The following ZDHHC23 variants were observed in gnomAD, a reference collection of about 807,000 sequenced individuals.
ZDHHC23 encodes zDHHC palmitoyltransferase 23, also known as palmitoyltransferase ZDHHC23.
A neutral mutation model predicts 40.2 loss-of-function variants in ZDHHC23; 41 were observed. That is an observed-to-expected ratio of 1.02 (90% CI 0.79 to 1.32). ZDHHC23 has a LOEUF of 1.32. Ranked by LOEUF, ZDHHC23 falls within the 40% of genes most tolerant of loss-of-function variation. ZDHHC23 has a pLI of 0.00. For synonymous variants in ZDHHC23, 204 were observed against 210.2 expected (o/e 0.97, Z 0.26); for missense variants, 471 against 541.5 (o/e 0.87, Z 1.29).
chr3:113,971,752 ATTAG>A, the ZDHHC23 span, among the ~76,000 whole-genome samples: 764 of 152,154 alleles, frequency 5.0e-3, 8 homozygotes, highest in African/African-American at 0.017. Context: ...TAGAATTTGT[ATTAG>A]TTCTTCTTTA....
Position 113,953,778 on chromosome 3 carries a change from T to A in ZDHHC23, c.240T>A (p.Pro80=). 6.2e-7 allele frequency: 1 copy of A among 1,614,228 alleles called. No individual in the cohort carries two copies. The highest frequency in any genetic ancestry group is 8.5e-7 in the Non-Finnish European group (1 of 1,180,032). Residue 80 remains proline (P), a synonymous_variant, in exon 3 of 5, where the codon CCT becomes CCA. Coordinates refer to ENST00000638807, the MANE Select transcript of ZDHHC23 (RefSeq NM_001320466.2). ...CAATTTCTGATCGCCTCCGAATTCC[T>A]TGGCTTAGGGGAGCCAAAAAAGTGA... is the stretch of plus-strand genomic sequence containing the variant. ...MDTISDRLRI[P]WLRGAKKVNI...
chr3:113,977,153 C>A, the ZDHHC23 span, among the ~76,000 whole-genome samples: 1 of 152,050 alleles, frequency 6.6e-6, no homozygotes, highest in Non-Finnish European at 1.5e-5. Context: ...AAAAATTAGC[C>A]GGGTGTCGTG....
rs1182058661 is a variant in ZDHHC23, at chr3:113,948,828, C to G, written c.26C>G (p.Pro9Arg). The change falls in exon 2 of 5, where the codon CCT becomes CGT. Residue 9 changes from proline to arginine, a missense_variant. By Grantham distance (103) the Pro-to-Arg change is moderately radical. Transcript: ENST00000638807. MTQKGSMK[P>R]VKKKKTEEPE... ...ATGACACAGAAGGGCAGTATGAAGC[C>G]TGTGAAGAAAAAGAAAACCGAAGAA... 1.2e-6 allele frequency: 2 copies of G among 1,613,934 alleles called. No homozygotes were observed. The highest frequency in any genetic ancestry group is 1.3e-5 in the African/African-American group (1 of 74,880).
the ZDHHC23 span, chr3:113,978,434 A>G: frequency 1.7e-6 from 2 of 1,177,340 alleles, no homozygotes; most frequent in Non-Finnish European, 1.2e-6. Context: ...AAAAGAAACA[A>G]ATGACACTAG....
downstream of ZDHHC23, among the ~76,000 whole-genome samples, chr3:113,967,858 T>G (rs1322149423): frequency 6.6e-6 from 1 of 152,216 alleles, no homozygotes; most frequent in Non-Finnish European, 1.5e-5. Flanking sequence ...ATTCACATTT[T>G]TTAGCTCTCC....
downstream of ZDHHC23, among the ~76,000 whole-genome samples, chr3:113,967,260 CTCTT>C (rs1163423428): frequency 6.6e-6 from 1 of 152,214 alleles, no homozygotes; most frequent in Admixed American, 6.5e-5. Context: ...ATTCACATCT[CTCTT>C]TTGGCTACAC....
the ZDHHC23 span, among the ~76,000 whole-genome samples, chr3:113,976,970 G>GT: frequency 3.9e-5 from 6 of 152,110 alleles, no homozygotes; most frequent in Non-Finnish European, 8.8e-5. Flanking sequence ...CTGATTTCCA[G>GT]TATCTGTGAA....
chr3:113,967,980 AT>A (rs796458097), downstream of ZDHHC23, among the ~76,000 whole-genome samples: 13 of 152,244 alleles, frequency 8.5e-5, no homozygotes, highest in African/African-American at 3.1e-4. Context: ...ATTCTTTTTC[AT>A]TACTAATATT....
At chr3:113,951,911 G>A (rs1938704452) in intron 2 of ZDHHC23, among the ~76,000 whole-genome samples, 1 of 152,310 alleles carries the variant, frequency 6.6e-6, no homozygotes, top group African/African-American at 2.4e-5. Flanking sequence ...GCCCAGGTGG[G>A]CAGATCACCT....
rs1396930980 is a variant in ZDHHC23 at position 113,948,670 on chromosome 3, A to G, written c.-117-16A>G. The G allele has an allele frequency of 2.0e-5, 22 of 1,090,874 alleles. No homozygotes were observed. In the East Asian group the frequency reaches 5.4e-4, roughly 27 times the overall value. The allele number at this position is 1,090,874 out of a possible 1,614,324, so 67.6% of individuals were successfully genotyped here. A position where few individuals can be genotyped will look rare whatever the true frequency, so the allele number is the denominator to read the frequency against. ...GGACCCCCTCCCCCTCTCTCTTCTC[A>G]TTTTTGATTGCTCAGGCGTTGGAGG... On this transcript the variant is annotated splice_polypyrimidine_tract_variant and intron_variant, in intron 1 of 4. Transcript: ENST00000638807.
intron 1 of ZDHHC23, chr3:113,948,467 G>A: frequency 3.7e-6 from 1 of 270,094 alleles, no homozygotes; most frequent in Non-Finnish European, 7.1e-6. Flanking sequence ...CCGCAGGTGA[G>A]CGCAACCGCC....
rs1401727827 is a variant in ZDHHC23 at position 113,960,244 on chromosome 3, A to C, written c.*1614A>C. On this transcript the variant is annotated 3_prime_UTR_variant, in exon 5 of 5. Coordinates refer to ENST00000638807, the MANE Select transcript of ZDHHC23 (RefSeq NM_001320466.2). ...TTGCCATTAATTGGAGCTGTCCTTA[A>C]GATGGTCACCATATTCTTATTCAGG... 3 of 1,006,662 alleles carry C rather than the reference A, an allele frequency of 3.0e-6. No homozygotes were observed. In the African/African-American group the frequency reaches 5.2e-5, roughly 18 times the overall value. 62.4% of individuals were successfully genotyped at this position (1,006,662 alleles called of 1,614,324 possible). A position where few individuals can be genotyped will look rare whatever the true frequency, so the allele number is the denominator to read the frequency against.
chr3:113,950,617 C>T (rs138411450), intron 2 of ZDHHC23, among the ~76,000 whole-genome samples: 25 of 152,320 alleles, frequency 1.6e-4, no homozygotes, highest in African/African-American at 5.8e-4. Context: ...TACTTCCTGG[C>T]TCCCTAAAAT....
the ZDHHC23 span, chr3:113,979,062 A>C: frequency 1.3e-6 from 2 of 1,515,552 alleles, no homozygotes; most frequent in Non-Finnish European, 1.8e-6. Flanking sequence ...TAAATCATTT[A>C]AACAAACACA....
chr3:113,954,388 A>G lies in ZDHHC23; in HGVS notation c.850A>G (p.Arg284Gly), dbSNP rs1337823424. Residue 284 changes from arginine to glycine, a missense_variant, in exon 3 of 5, where the codon AGA becomes GGA. Arg to Gly is a moderately radical substitution (Grantham distance 125, BLOSUM62 -2). Around this residue, in one of 3 missense-constraint regions of ZDHHC23, gnomAD observed 346 missense variants for 399.8 expected, o/e 0.87. Transcript: ENST00000638807. ...HCRICGICVR[R>G]MDHHCVWINS... is the part of the protein sequence containing the mutation. ...CCGGATATGTGGCATCTGTGTGAGG[A>G]GAATGGATCATCATTGTGTCTGGTA... The G allele has an allele frequency of 6.2e-7, 1 of 1,600,028 alleles. No homozygotes were observed. Among genetic ancestry groups the G allele is most frequent in the East Asian group, 2.3e-5 (1 of 44,270 alleles).
At chr3:113,953,617 C>T in intron 2 of ZDHHC23, 83 bp from the exon 3 acceptor site, 1 of 1,221,680 alleles carries the variant, frequency 8.2e-7, no homozygotes, top group Non-Finnish European at 1.1e-6. Flanking sequence ...TCGTTTATCC[C>T]ACTGTTTGGC....
rs1427386585 is a variant in ZDHHC23, at chr3:113,961,449, C to A, written c.*2819C>A. On this transcript the variant is annotated 3_prime_UTR_variant, in exon 5 of 5. Transcript: ENST00000638807. ...CCTTCAATATTTAAAATGTTTCTTA[C>A]AATACCCACGGAGCACTTTTATGGT... The A allele has an allele frequency of 3.3e-5, 5 of 152,620 alleles. No homozygotes were observed. Among genetic ancestry groups the A allele is most frequent in the Admixed American group, 3.3e-4 (5 of 15,272 alleles). The allele number at this position is 152,620 out of a possible 1,614,324, so 9.5% of individuals were successfully genotyped here.
rs1939759545 is a variant in ZDHHC23, at chr3:113,962,532, A to G, written c.*3902A>G. On this transcript the variant is annotated 3_prime_UTR_variant, in exon 5 of 5. Transcript: ENST00000638807. Reference sequence around the variant, plus strand: ...AAAGCAGAGCTAGTCTATTCTAGTTACTGATGCAACTAAAATTCTGTATTT... The same window carrying G: ...AAAGCAGAGCTAGTCTATTCTAGTTGCTGATGCAACTAAAATTCTGTATTT... The G allele has an allele frequency of 6.6e-6, 1 of 152,242 alleles. No homozygotes were observed. Among genetic ancestry groups the G allele is most frequent in the South Asian group, 2.1e-4 (1 of 4,828 alleles). The allele number at this position is 152,242 out of a possible 1,614,324, so 9.4% of individuals were successfully genotyped here.
In ZDHHC23 at chr3:113,960,758, A is replaced by C. The variant is rs773191831; in HGVS notation, c.*2128A>C. ...AGCCAACTCCGCTTCCTTCCCATGG[A>C]TAGGAAGGGACTCTGTGTATTATTC... On this transcript the variant is annotated 3_prime_UTR_variant, in exon 5 of 5. Transcript: ENST00000638807. 2 of 1,557,650 alleles carry C rather than the reference A, an allele frequency of 1.3e-6. No individual in the cohort carries two copies. Among genetic ancestry groups the C allele is most frequent in the East Asian group, 4.7e-5 (2 of 42,940 alleles).
Sources: gnomAD v4.1 joint callset for allele counts (sites outside exome capture counted in the v4.1 genomes callset) on GRCh38, gnomAD v4.1.1 for gene constraint, gnomAD v4.1.1 regional missense constraint, MANE v1.5 for transcripts, NCBI Gene and HGNC (gene_info 2026-07-23, HGNC 2026-07-21) for gene names.